The following SPINK9 variants were observed in gnomAD, a reference collection of about 807,000 sequenced individuals.
SPINK9 encodes the protein serine protease inhibitor Kazal-type 9.
In SPINK9, 3 loss-of-function variants were observed where a neutral mutation model predicts 10.8. The observed-to-expected ratio is 0.28, with a 90% CI of 0.13 to 0.72. The LOEUF (loss-of-function observed/expected upper bound fraction) is 0.72, where lower values mean the gene tolerates loss of function less well. Ranked by LOEUF, SPINK9 falls within the 30% of genes least tolerant of loss-of-function variation. SPINK9 has a pLI of 0.74. For missense variants in SPINK9, 101 were observed against 103.2 expected, an observed-to-expected ratio of 0.98 and a Z score of 0.09; for synonymous variants, 30 against 31.2, an observed-to-expected ratio of 0.96 and a Z score of 0.12.
rs567579644 is a variant in SPINK9 at position 148,330,280 on chromosome 5, G to T, written c.119-6142G>T. Among the ~76,000 whole-genome samples the T allele has an allele frequency of 2.6e-5, 4 of 152,172 alleles. No homozygotes were observed. In the East Asian group the frequency reaches 7.7e-4, roughly 29 times the overall value. On this transcript the variant is annotated intron_variant, in intron 2 of 4. Transcript: ENST00000511717. ...TGTAATGGCCTTCTTTGTCTCTTTT[G>T]ATCTTTGTTGATTTAAAGTCTGTTT...
chr5:148,323,125 GA>G (rs1757017628), intron 1 of SPINK9, among the ~76,000 whole-genome samples: 1 of 152,118 alleles, frequency 6.6e-6, no homozygotes, highest in African/African-American at 2.4e-5. Context: ...AAATAGAGGT[GA>G]AAAATCGCTA....
At chr5:148,336,741 T>C (rs561048866) in intron 2 of SPINK9, among the ~76,000 whole-genome samples, 2 of 152,316 alleles carry the variant, frequency 1.3e-5, no homozygotes, top group South Asian at 2.1e-4. Context: ...CTTGAAGCCA[T>C]AGTATTTGAA....
At chr5:148,327,282 T>C (rs1451653351) in intron 2 of SPINK9, among the ~76,000 whole-genome samples, 1 of 152,242 alleles carries the variant, frequency 6.6e-6, no homozygotes, top group African/African-American at 2.4e-5. Context: ...TTTTTTCATG[T>C]GTTTTTTGGC....
intron 2 of SPINK9, among the ~76,000 whole-genome samples, chr5:148,328,037 G>C (rs1261498453): frequency 1.3e-5 from 2 of 151,688 alleles, no homozygotes; most frequent in Admixed American, 6.6e-5. Context: ...TTCCAATTCT[G>C]TGAAGAAAGT....
chr5:148,339,497 AT>A (rs1160390333), intron 3 of SPINK9, among the ~76,000 whole-genome samples, 169 bp from the exon 4 acceptor site: 1 of 152,146 alleles, frequency 6.6e-6, no homozygotes, highest in Non-Finnish European at 1.5e-5. Flanking sequence ...TCATCCTTAT[AT>A]AATCAGCACC....
At chr5:148,328,105 C>T (rs1455399128) in intron 2 of SPINK9, among the ~76,000 whole-genome samples, 1 of 152,154 alleles carries the variant, frequency 6.6e-6, no homozygotes, top group African/African-American at 2.4e-5. Context: ...GCAGTATGGC[C>T]ATTTTCACAA....
intron 2 of SPINK9, among the ~76,000 whole-genome samples, chr5:148,324,885 C>T (rs767710874): frequency 6.6e-6 from 1 of 152,036 alleles, no homozygotes; most frequent in Non-Finnish European, 1.5e-5. Context: ...AATGCCAGGA[C>T]ATTTCATTAT....
intron 2 of SPINK9, among the ~76,000 whole-genome samples, chr5:148,330,512 G>T (rs1417197921): frequency 6.6e-6 from 1 of 152,104 alleles, no homozygotes; most frequent in Non-Finnish European, 1.5e-5. Context: ...TACATTTAGG[G>T]TTAGTATTGT....
intron 3 of SPINK9, 68 bp from the exon 4 acceptor site, chr5:148,339,599 A>T: frequency 7.3e-7 from 1 of 1,379,196 alleles, no homozygotes; most frequent in South Asian, 1.2e-5. Context: ...TTCATTAGTG[A>T]AGTTTGGATG....
upstream of SPINK9, among the ~76,000 whole-genome samples, chr5:148,331,220 A>G (rs562524156): frequency 6.6e-6 from 1 of 152,328 alleles, no homozygotes; most frequent in East Asian, 1.9e-4. Context: ...CTATTCGGCC[A>G]TCTTGGCTCC....
chr5:148,330,702 TG>T (rs1424954506), upstream of SPINK9, among the ~76,000 whole-genome samples: 1 of 152,182 alleles, frequency 6.6e-6, no homozygotes, highest in Non-Finnish European at 1.5e-5. Context: ...GCAGGCCTGG[TG>T]GTGACAAAAT....
At chr5:148,324,674 A>C (rs1757036336) in intron 2 of SPINK9, among the ~76,000 whole-genome samples, 1 of 152,048 alleles carries the variant, frequency 6.6e-6, no homozygotes, top group African/African-American at 2.4e-5. Flanking sequence ...CTTGAAGAAG[A>C]CTGAAGAACA....
intron 2 of SPINK9, among the ~76,000 whole-genome samples, chr5:148,325,930 G>A (rs1020415449): frequency 6.6e-6 from 1 of 152,054 alleles, no homozygotes; most frequent in Non-Finnish European, 1.5e-5. Flanking sequence ...TATTTTGCAT[G>A]TGGATATCCA....
chr5:148,338,701 T>G, intron 3 of SPINK9, 96 bp downstream of exon 3: 1 of 917,932 alleles, frequency 1.1e-6, no homozygotes, highest in Non-Finnish European at 1.6e-6. Context: ...AATATGTGAA[T>G]CATATCATAC....
At position 148,339,697 on chromosome 5, in the gene SPINK9, T is replaced by C. The variant is rs1255033960; in HGVS notation, c.246T>C (p.His82=). The C allele has an allele frequency of 6.2e-7, 1 of 1,612,532 alleles. No individual in the cohort carries two copies. The highest frequency in any genetic ancestry group is 8.5e-7 in the Non-Finnish European group (1 of 1,179,128). Residue 82 remains histidine, a synonymous_variant, in exon 4 of 4, where the codon CAT becomes CAC. Coordinates refer to ENST00000377906, the MANE Select transcript of SPINK9 (RefSeq NM_001040433.2). ...KKTDGTLKFV[H]FGKC is the part of the protein sequence containing the mutation. Reference sequence around the variant, plus strand: ...CTGACGGCACACTTAAATTTGTACATTTTGGAAAATGTTAAATCTATCTTG... The same window carrying C: ...CTGACGGCACACTTAAATTTGTACACTTTGGAAAATGTTAAATCTATCTTG...
intron 2 of SPINK9, among the ~76,000 whole-genome samples, chr5:148,326,745 T>C (rs2113412035): frequency 6.6e-6 from 1 of 152,056 alleles, no homozygotes; most frequent in East Asian, 1.9e-4. Context: ...TTCCCACCTA[T>C]GAGTGAGAAC....
chr5:148,327,546 T>C (rs1757081828), intron 2 of SPINK9, among the ~76,000 whole-genome samples: 1 of 152,174 alleles, frequency 6.6e-6, no homozygotes, highest in South Asian at 2.1e-4. Context: ...TTTGTTGCCA[T>C]TGCTTTTGGT....
At chr5:148,335,713 T>A in intron 1 of SPINK9, 45 bp downstream of exon 1, 1 of 1,587,898 alleles carries the variant, frequency 6.3e-7, no homozygotes, top group Non-Finnish European at 8.6e-7. Flanking sequence ...TACTAATAGC[T>A]CATGCAGTCT....
chr5:148,336,521 C>T, intron 2 of SPINK9, 68 bp downstream of exon 2: 1 of 1,428,528 alleles, frequency 7.0e-7, no homozygotes, highest in Non-Finnish European at 9.8e-7. Flanking sequence ...TTTGATACTA[C>T]ACAGTAATTA....
Sources: gnomAD v4.1 joint callset for allele counts (sites outside exome capture counted in the v4.1 genomes callset) on GRCh38, gnomAD v4.1.1 for gene constraint, MANE v1.5 for transcripts, NCBI Gene and HGNC (gene_info 2026-07-23, HGNC 2026-07-21) for gene names.